Variants in ZNF699 observed in about 807,000 individuals in gnomAD.
The protein encoded by ZNF699 is hangover homolog.
In ZNF699, 18 loss-of-function variants were observed where a neutral mutation model predicts 22.5. The observed-to-expected ratio is 0.80, with a 90% CI of 0.55 to 1.19. ZNF699 has a LOEUF of 1.19. Among genes scored for constraint, ZNF699 ranks in the 50% most tolerant of loss-of-function variants. The probability of loss-of-function intolerance (pLI) is 0.00; values close to 1 mark genes in which losing one functional copy is unlikely to be tolerated. For synonymous variants in ZNF699, 241 were observed against 262.3 expected (o/e 0.92, Z 0.78); for missense variants, 670 against 763.4 (o/e 0.88, Z 1.44).
Position 9,296,340 on chromosome 19 carries a change from C to A in ZNF699, c.1064G>T (p.Arg355Ile). ...SSSSHLIIHI[R>I]IHTGEKPYEC... ...ATAAGGCTTCTCTCCAGTGTGAATT[C>A]TTATATGTATTATAAGGTGAGAGGA... The change falls in exon 6 of 6, where the codon AGA (arginine) becomes ATA (isoleucine). Residue 355 changes from arginine to isoleucine, a missense_variant. Coordinates refer to ENST00000591998, the MANE Select transcript of ZNF699 (RefSeq NM_198535.3). 6.2e-7 allele frequency: 1 copy of A among 1,613,984 alleles called. No individual in the cohort carries two copies. The highest frequency in any genetic ancestry group is 8.5e-7 in the Non-Finnish European group (1 of 1,179,964).
At chr19:9,300,791 G>A (rs2081170396) in intron 3 of ZNF699, among the ~76,000 whole-genome samples, 1 of 152,236 alleles carries the variant, frequency 6.6e-6, no homozygotes, top group African/African-American at 2.4e-5. Flanking sequence ...AAGAGGGAGG[G>A]AAGGAGGGAT....
Position 9,293,008 on chromosome 19 carries a change from C to T in ZNF699, c.*2467G>A, listed in dbSNP as rs549303622. On this transcript the variant is annotated 3_prime_UTR_variant, in exon 6 of 6. Coordinates refer to ENST00000591998, the MANE Select transcript of ZNF699 (RefSeq NM_198535.3). ...AAAATTAGCCAGGTGTGGTGGCACACGCCTGTAATCCCAGCTACTCAGGAG... is the reference window on the plus strand; with the variant it reads ...AAAATTAGCCAGGTGTGGTGGCACATGCCTGTAATCCCAGCTACTCAGGAG... Among the ~76,000 whole-genome samples, 1 of 151,502 alleles carries T rather than the reference C, an allele frequency of 6.6e-6. No individual in the cohort carries two copies. The highest frequency in any genetic ancestry group is 1.5e-5 in the Non-Finnish European group (1 of 67,890).
Position 9,296,738 on chromosome 19 carries a change from G to C in ZNF699, c.666C>G (p.Pro222=). 1 of 1,614,098 alleles carries C rather than the reference G, an allele frequency of 6.2e-7. No individual in the cohort carries two copies. Among genetic ancestry groups the C allele is most frequent in the Non-Finnish European group, 8.5e-7 (1 of 1,180,026 alleles). The change falls in exon 6 of 6, where the codon CCC becomes CCG. Residue 222 remains proline, a synonymous_variant. Coordinates refer to ENST00000591998, the MANE Select transcript of ZNF699 (RefSeq NM_198535.3). ...CCTTCCCACATTCCTTGCACTGATA[G>C]GGTTTGCTTCCAGTATGAGACCTGA... ...SHIRSHTGSK[P]YQCKECGKAF... is the part of the protein sequence containing the mutation.
In ZNF699 at chr19:9,293,225, G is replaced by A. The variant is rs927806754; in HGVS notation, c.*2250C>T. On this transcript the variant is annotated 3_prime_UTR_variant, in exon 6 of 6. Coordinates refer to ENST00000591998, the MANE Select transcript of ZNF699 (RefSeq NM_198535.3). Reference sequence around the variant, plus strand: ...AATCCAAATAGCCAATAAGCACATCGAAAAGTACTCGAAATCATTACACAT... The same window carrying A: ...AATCCAAATAGCCAATAAGCACATCAAAAAGTACTCGAAATCATTACACAT... Among the ~76,000 whole-genome samples the A allele has an allele frequency of 1.4e-4, 21 of 149,104 alleles. No homozygotes were observed. The highest frequency in any genetic ancestry group is 3.3e-4 in the Admixed American group (5 of 14,984).
At position 9,307,477 on chromosome 19, in the gene ZNF699, G is replaced by A. The variant is rs139452875; in HGVS notation, c.-6+1873C>T. Among the ~76,000 whole-genome samples the A allele has an allele frequency of 5.3e-3, 800 of 152,292 alleles. 2 individuals carry two copies. The highest frequency in any genetic ancestry group is 7.7e-3 in the Non-Finnish European group (522 of 68,028). ...TAGAGATACATGCTATATAAAAAAT[G>A]TAGCACATTATAGGGATAAGGAGAC... On this transcript the variant is annotated intron_variant, in intron 1 of 5. Transcript: ENST00000591998.
At chr19:9,300,500 T>C (rs928638838) in intron 3 of ZNF699, among the ~76,000 whole-genome samples, 4 of 152,216 alleles carry the variant, frequency 2.6e-5, no homozygotes, top group Non-Finnish European at 5.9e-5. Flanking sequence ...CCAATGTTCA[T>C]AGTAGCTTTA....
In ZNF699 at chr19:9,291,261, TAC is replaced by T. The variant is rs1489187390; in HGVS notation, c.*4212_*4213del. Among the ~76,000 whole-genome samples, 1 of 152,148 alleles carries T rather than the reference TAC, an allele frequency of 6.6e-6. No individual in the cohort carries two copies. The highest frequency in any genetic ancestry group is 1.5e-5 in the Non-Finnish European group (1 of 68,020). On this transcript the variant is annotated 3_prime_UTR_variant, in exon 6 of 6. Transcript: ENST00000591998. ...AAAACCAATGCAATTACAGGCATAG[TAC>T]CAAAAATTCATTTGTGAAAATTAAT...
At position 9,297,310 on chromosome 19, in the gene ZNF699, A is replaced by G. The variant is rs770669156; in HGVS notation, c.456T>C (p.His152=). 9.4e-6 allele frequency: 15 copies of G among 1,591,390 alleles called. No individual in the cohort carries two copies. Among genetic ancestry groups the G allele is most frequent in the Admixed American group, 1.9e-5 (1 of 51,824 alleles). Residue 152 remains histidine, a synonymous_variant, in exon 5 of 6, where the codon CAT becomes CAC. Coordinates refer to ENST00000591998, the MANE Select transcript of ZNF699 (RefSeq NM_198535.3). The surrounding 1 kb of genome is among the most constrained non-coding windows in gnomAD (Gnocchi z 4.3). ...SCGIDYQNKS[H]ERHLRNHMVE... ...ATGGCACTCACCTCAAATGTCTCTC[A>G]TGGCTTTTGTTCTGATAATCAATAC...
rs117844351 is a variant in ZNF699 at position 9,303,085 on chromosome 19, A to G, written c.49-581T>C. Among the ~76,000 whole-genome samples, 541 of 152,324 alleles carry G rather than the reference A, an allele frequency of 3.6e-3. 6 individuals are homozygous for G. Among genetic ancestry groups the G allele is most frequent in the East Asian group, 0.031 (162 of 5,182 alleles). On this transcript the variant is annotated intron_variant, in intron 2 of 5. Coordinates refer to ENST00000591998, the MANE Select transcript of ZNF699 (RefSeq NM_198535.3). ...TGATGCCAATGAGCTAGGAAAAAAC[A>G]AAGTGTTTTTCCTACCCTCTTACAT...
intron 2 of ZNF699, 108 bp from the exon 3 acceptor site, chr19:9,302,612 G>T: frequency 8.2e-7 from 1 of 1,221,098 alleles, no homozygotes; most frequent in Non-Finnish European, 1.1e-6. Context: ...TTCATAGGAA[G>T]TTCAGAAGAT....
intron 3 of ZNF699, among the ~76,000 whole-genome samples, chr19:9,299,616 G>T (rs1056716289): frequency 6.6e-6 from 1 of 152,012 alleles, no homozygotes; most frequent in African/African-American, 2.4e-5. Flanking sequence ...TGATATTTTA[G>T]ATAATAATGC....
At chr19:9,305,275 ACACACACACACATG>A (rs1162304002) in intron 1 of ZNF699, among the ~76,000 whole-genome samples, 151 bp from the exon 2 acceptor site, 1 of 152,000 alleles carries the variant, frequency 6.6e-6, no homozygotes, top group Non-Finnish European at 1.5e-5. Context: ...ATACACACAC[ACACACACACACATG>A]CACACACCCA....
rs181582942 is a variant in ZNF699 at position 9,300,736 on chromosome 19, G to A, written c.175+1642C>T. Among the ~76,000 whole-genome samples, 9 of 152,298 alleles carry A rather than the reference G, an allele frequency of 5.9e-5. No individual in the cohort carries two copies. The East Asian group carries it at 1.5e-3, about 26-fold the overall frequency. ...CCAACTATATGACATTTTGCAGAAG[G>A]CAACATCATTATGGAGACAGAAAGA... is the stretch of plus-strand genomic sequence containing the variant. On this transcript the variant is annotated intron_variant, in intron 3 of 5. Transcript: ENST00000591998.
At position 9,295,663 on chromosome 19, in the gene ZNF699, G is replaced by A; in HGVS notation, c.1741C>T (p.His581Tyr). Residue 581 changes from histidine (H) to tyrosine (Y), a missense_variant, in exon 6 of 6, where the codon CAC (histidine) becomes TAC (tyrosine). Physicochemically the swap from His to Tyr is moderately conservative, Grantham distance 83 (BLOSUM62 2). Coordinates refer to ENST00000591998, the MANE Select transcript of ZNF699 (RefSeq NM_198535.3). The stretch of plus-strand genomic sequence containing the variant: ...CATTCAAAGGGTTTCTCTCCAGTGT[G>A]CATTCTTGCATGTACAGTAAGGTAT... ...SSYLTVHARM[H>Y]TGEKPFECLE... 1 of 1,614,150 alleles carries A rather than the reference G, an allele frequency of 6.2e-7. No homozygotes were observed. The highest frequency in any genetic ancestry group is 8.5e-7 in the Non-Finnish European group (1 of 1,180,002).
intron 5 of ZNF699, 30 bp from the exon 6 acceptor site, chr19:9,296,963 A>C: frequency 6.7e-7 from 1 of 1,483,886 alleles, no homozygotes; most frequent in Non-Finnish European, 9.0e-7. Context: ...CATTATTAGT[A>C]ATAAATTTCT....
intron 3 of ZNF699, among the ~76,000 whole-genome samples, chr19:9,298,225 A>G (rs941683219): frequency 1.3e-5 from 2 of 151,442 alleles, no homozygotes; most frequent in African/African-American, 4.9e-5. Flanking sequence ...AGGCAGGCAG[A>G]TCACGAGGTC....
At position 9,297,454 on chromosome 19, in the gene ZNF699, A is replaced by G. The variant is rs754254081; in HGVS notation, c.312T>C (p.Asn104=). 5 of 1,581,408 alleles carry G rather than the reference A, an allele frequency of 3.2e-6. 1 individual carries two copies. In the South Asian group the frequency reaches 5.9e-5, roughly 19 times the overall value. Residue 104 remains asparagine, a synonymous_variant, in exon 5 of 6, where the codon AAT becomes AAC. Transcript: ENST00000591998. The surrounding 1 kb of genome is among the most constrained non-coding windows in gnomAD (Gnocchi z 4.3). The part of the protein sequence containing the change: ...REGFETQLKT[N]ESVASQDICG... ...AAATATCTTGTGAAGCAACTGATTC[A>G]TTAGTTTTAAGTTGAGTCTCAAAAC...
At chr19:9,301,135 A>G (rs1349770511) in intron 3 of ZNF699, among the ~76,000 whole-genome samples, 1 of 142,458 alleles carries the variant, frequency 7.0e-6, no homozygotes, top group Non-Finnish European at 1.5e-5. Context: ...CTACAAAAAA[A>G]AAAGAGAGAG....
At chr19:9,301,069 A>G (rs1023384141) in intron 3 of ZNF699, among the ~76,000 whole-genome samples, 1 of 151,996 alleles carries the variant, frequency 6.6e-6, no homozygotes, top group South Asian at 2.1e-4. Context: ...AAATCTCTGT[A>G]CCTTCCACTC....
Sources: allele counts gnomAD v4.1 joint callset (sites outside exome capture counted in the v4.1 genomes callset), GRCh38; gene constraint gnomAD v4.1.1; non-coding constraint Gnocchi (gnomAD v3.1); transcripts MANE v1.5; gene names NCBI Gene and HGNC (gene_info 2026-07-23, HGNC 2026-07-21).